The following EZR variants were observed in gnomAD, a reference collection of about 807,000 sequenced individuals.
The protein encoded by EZR is cytovillin 2.
A neutral mutation model predicts 74.8 loss-of-function variants in EZR; 40 were observed. The ratio of observed to expected loss-of-function variants is 0.53; its 90% confidence interval spans 0.42 to 0.70. EZR has a LOEUF of 0.70. Ranked by LOEUF, EZR falls within the 30% of genes least tolerant of loss-of-function variation. The pLI, the probability that EZR is intolerant of heterozygous loss-of-function variation, is 0.00. For synonymous variants in EZR, 341 were observed against 283.3 expected (o/e 1.20, Z -2.05); for missense variants, 678 against 755.8 (o/e 0.90, Z 1.21).
At position 158,766,811 on chromosome 6, in the gene EZR, G is replaced by C; in HGVS notation, c.*103C>G. ...GGTAACTGCTTTCTAAAGGAACTGG[G>C]ATCTGAGGGAGTTCCTAGACTTGGA... On this transcript the variant is annotated 3_prime_UTR_variant, in exon 14 of 14. Coordinates refer to ENST00000367075, the MANE Select transcript of EZR (RefSeq NM_001111077.2). 8.8e-7 allele frequency: 1 copy of C among 1,139,508 alleles called. No individual in the cohort carries two copies. Among genetic ancestry groups the C allele is most frequent in the Non-Finnish European group, 1.3e-6 (1 of 789,948 alleles). 70.6% of individuals were successfully genotyped at this position (1,139,508 alleles called of 1,614,324 possible).
chr6:158,810,127 T>C (rs776281274), intron 2 of EZR, among the ~76,000 whole-genome samples: 2 of 152,232 alleles, frequency 1.3e-5, no homozygotes, highest in South Asian at 4.1e-4. Context: ...GTGATACTGG[T>C]TCCTCTCCTA....
chr6:158,785,420 G>T lies in EZR; in HGVS notation c.356C>A (p.Pro119His). The T allele has an allele frequency of 1.2e-6, 2 of 1,614,166 alleles. No individual in the cohort carries two copies. The highest frequency in any genetic ancestry group is 8.5e-7 in the Non-Finnish European group (1 of 1,180,024). ...GILSDEIYCP[P>H]ETAVLLGSYA... is the part of the protein sequence containing the mutation. Reference sequence around the variant, plus strand: ...GGACCCCAAGAGCACGGCAGTCTCAGGGGGGCAGTAGATCTCATCGCTAAG... The same window carrying T: ...GGACCCCAAGAGCACGGCAGTCTCATGGGGGCAGTAGATCTCATCGCTAAG... Residue 119 changes from proline to histidine, a missense_variant, in exon 5 of 14, where the codon CCT becomes CAT. Around this residue, in one of 3 missense-constraint regions of EZR, gnomAD observed 217 missense variants for 232.2 expected, o/e 0.93. Transcript: ENST00000367075.
intron 2 of EZR, among the ~76,000 whole-genome samples, chr6:158,804,092 A>G (rs1361348967): frequency 6.6e-6 from 1 of 152,122 alleles, no homozygotes; most frequent in East Asian, 1.9e-4. Context: ...ACTGATGGCC[A>G]TTTCCGACCT....
At chr6:158,793,941 C>T (rs1001034706) in intron 2 of EZR, among the ~76,000 whole-genome samples, 2 of 152,174 alleles carry the variant, frequency 1.3e-5, no homozygotes, top group African/African-American at 4.8e-5. Flanking sequence ...GGACCATTTA[C>T]ATACATACTT....
chr6:158,803,065 TCTC>T (rs2128574447), intron 2 of EZR, among the ~76,000 whole-genome samples: 1 of 152,080 alleles, frequency 6.6e-6, no homozygotes, highest in South Asian at 2.1e-4. Flanking sequence ...TCTAAACTGT[TCTC>T]CTTACTACTT....
rs1790936139 is a variant in EZR at position 158,767,609 on chromosome 6, A to G, written c.1345-97T>C. On this transcript the variant is annotated intron_variant, in intron 12 of 13. Transcript: ENST00000367075. ...TCACCTCCCTCTGTCCTGGCAGGCT[A>G]AGGCAGCACTGAACTGTGCTGGGCT... 3.7e-6 allele frequency: 5 copies of G among 1,345,580 alleles called. No individual in the cohort carries two copies. In the South Asian group the frequency reaches 7.0e-5, roughly 19 times the overall value. The allele number at this position is 1,345,580 out of a possible 1,614,324, so 83.4% of individuals were successfully genotyped here. A position where few individuals can be genotyped will look rare whatever the true frequency, so the allele number is the denominator to read the frequency against.
At position 158,786,400 on chromosome 6, in the gene EZR, A is replaced by G. The variant is rs536953801; in HGVS notation, c.192+708T>C. 2.6e-4 allele frequency among the ~76,000 whole-genome samples: 39 copies of G among 152,328 alleles called. No homozygotes were observed. The South Asian group carries it at 4.8e-3, about 19-fold the overall frequency. ...AAACAACAACAACAAAAAACAAACA[A>G]GTACTATCACACTCTTGTGCTCAGC... On this transcript the variant is annotated intron_variant, in intron 4 of 13. Transcript: ENST00000367075.
chr6:158,803,487 A>G (rs192726942), intron 2 of EZR, among the ~76,000 whole-genome samples: 287 of 142,152 alleles, frequency 2.0e-3, no homozygotes, highest in Non-Finnish European at 3.6e-3. Context: ...GCTTTTGAAA[A>G]GTTTGTATTT....
intron 2 of EZR, among the ~76,000 whole-genome samples, chr6:158,790,971 A>AT (rs1393335912): frequency 6.6e-6 from 1 of 152,214 alleles, no homozygotes; most frequent in African/African-American, 2.4e-5. Context: ...ATAAGGACGT[A>AT]TTACCTGTGC....
At chr6:158,791,359 A>C (rs1791739873) in intron 2 of EZR, among the ~76,000 whole-genome samples, 1 of 152,196 alleles carries the variant, frequency 6.6e-6, no homozygotes. Context: ...AATTTTTTTA[A>C]AATCACAAAA....
chr6:158,766,140 G>A lies in EZR; in HGVS notation c.*774C>T, dbSNP rs1476889904. 6.5e-6 allele frequency: 1 copy of A among 152,682 alleles called. No individual in the cohort carries two copies. Among genetic ancestry groups the A allele is most frequent in the Middle Eastern group, 3.4e-3 (1 of 294 alleles). The allele number at this position is 152,682 out of a possible 1,614,324, so 9.5% of individuals were successfully genotyped here. On this transcript the variant is annotated 3_prime_UTR_variant, in exon 14 of 14. Coordinates refer to ENST00000367075, the MANE Select transcript of EZR (RefSeq NM_001111077.2). ...CCATGGTTTAGAGGGTTTTTCATAT[G>A]TAATTCTTTTATTCTGTAAAAGGTA...
At chr6:158,804,767 T>TTTA (rs58207502) in intron 2 of EZR, among the ~76,000 whole-genome samples, 3 of 150,462 alleles carry the variant, frequency 2.0e-5, no homozygotes, top group African/African-American at 7.3e-5. Context: ...TTTTTTCTTA[T>TTTA]TTTTTTTTAT....
intron 8 of EZR, among the ~76,000 whole-genome samples, chr6:158,775,616 G>A (rs145844909): frequency 2.8e-4 from 42 of 152,274 alleles, no homozygotes; most frequent in African/African-American, 9.1e-4. Flanking sequence ...TATAATTTTC[G>A]TAAAATTCAG....
At chr6:158,800,877 G>A (rs760009694) in intron 2 of EZR, among the ~76,000 whole-genome samples, 8 of 152,130 alleles carry the variant, frequency 5.3e-5, no homozygotes, top group Non-Finnish European at 7.3e-5. Flanking sequence ...TGTAGAACAC[G>A]GCTACTCCTT....
chr6:158,783,111 C>T (rs532214540), intron 7 of EZR, among the ~76,000 whole-genome samples: 1 of 152,304 alleles, frequency 6.6e-6, no homozygotes, highest in Non-Finnish European at 1.5e-5. Flanking sequence ...AGTCTCTCAT[C>T]ACACCATCAA....
intron 13 of EZR, 23 bp downstream of exon 13, chr6:158,767,238 A>G: frequency 6.2e-7 from 1 of 1,600,808 alleles, no homozygotes. Flanking sequence ...GGCTCCCTGG[A>G]GACAGAGCCC....
chr6:158,815,565 T>C (rs1249991802), intron 2 of EZR, among the ~76,000 whole-genome samples: 1 of 152,180 alleles, frequency 6.6e-6, no homozygotes, highest in African/African-American at 2.4e-5. Flanking sequence ...AGCCTTGACC[T>C]CCAGGGCTCA....
At chr6:158,779,293 A>G (rs965567405) in intron 7 of EZR, among the ~76,000 whole-genome samples, 4 of 152,212 alleles carry the variant, frequency 2.6e-5, no homozygotes, top group African/African-American at 9.7e-5. Flanking sequence ...CAAGGTCATG[A>G]CAAAAAAAGA....
chr6:158,774,461 G>A (rs1305519928), intron 8 of EZR, among the ~76,000 whole-genome samples: 2 of 152,020 alleles, frequency 1.3e-5, no homozygotes, highest in Non-Finnish European at 1.5e-5. Flanking sequence ...GCTCACCAGG[G>A]TAGGAGCTTT....
Sources: gnomAD v4.1 joint callset for allele counts (sites outside exome capture counted in the v4.1 genomes callset) on GRCh38, gnomAD v4.1.1 for gene constraint, gnomAD v4.1.1 regional missense constraint, MANE v1.5 for transcripts, NCBI Gene and HGNC (gene_info 2026-07-23, HGNC 2026-07-21) for gene names.